ZCCHC24: variants seen among roughly 807,000 people sequenced by gnomAD.
The protein encoded by ZCCHC24 is zinc finger CCHC-type containing 24, also known as zinc finger CCHC domain-containing protein 24.
Under a neutral mutation model 26.2 loss-of-function variants are expected in ZCCHC24, and 10 were observed. The observed-to-expected ratio is 0.38, with a 90% confidence interval of 0.24 to 0.65. The LOEUF (loss-of-function observed/expected upper bound fraction) is 0.65. Ranked by LOEUF, ZCCHC24 falls within the 30% of genes least tolerant of loss-of-function variation. The pLI is 0.54. For synonymous variants in ZCCHC24, 144 were observed against 147.1 expected, an observed-to-expected ratio of 0.98 and a Z score of 0.15; for missense variants, 243 against 329.1, an observed-to-expected ratio of 0.74 and a Z score of 2.03.
At chr10:79,444,816 GAGA>G (rs1857340222) in intron 1 of ZCCHC24, among the ~76,000 whole-genome samples, 1 of 152,220 alleles carries the variant, frequency 6.6e-6, no homozygotes, top group African/African-American at 2.4e-5. Flanking sequence ...GGTTGGGCGT[GAGA>G]AGGACACTTC....
intron 2 of ZCCHC24, among the ~76,000 whole-genome samples, chr10:79,421,458 C>T (rs1194656768): frequency 1.4e-5 from 2 of 147,984 alleles, no homozygotes; most frequent in African/African-American, 4.9e-5. Context: ...CTTCCTCCCT[C>T]CCTCCCTTCT....
chr10:79,404,045 G>A (rs997365188), intron 2 of ZCCHC24, among the ~76,000 whole-genome samples: 1 of 152,056 alleles, frequency 6.6e-6, no homozygotes. Flanking sequence ...AGAGGAGAAG[G>A]GGGGACAGGG....
At chr10:79,441,986 C>A (rs1857296397) in intron 1 of ZCCHC24, among the ~76,000 whole-genome samples, 1 of 152,196 alleles carries the variant, frequency 6.6e-6, no homozygotes. Flanking sequence ...ACTCCCATAG[C>A]CCCTTTACGG....
Position 79,406,856 on chromosome 10 carries a change from A to G in ZCCHC24, c.448-12416T>C, listed in dbSNP as rs940485703. 5.9e-5 allele frequency among the ~76,000 whole-genome samples: 9 copies of G among 152,246 alleles called. No individual in the cohort carries two copies. In the East Asian group the frequency reaches 7.7e-4, roughly 13 times the overall value. The stretch of plus-strand genomic sequence containing the variant: ...TGCCCTTGTCTGTGGACAGCCCCAC[A>G]GGACAATAATCCCGCTGGTGCCCTG... On this transcript the variant is annotated intron_variant, in intron 2 of 3. Transcript: ENST00000372336.
chr10:79,420,919 T>C (rs769345393), intron 2 of ZCCHC24, among the ~76,000 whole-genome samples: 1 of 152,132 alleles, frequency 6.6e-6, no homozygotes, highest in Non-Finnish European at 1.5e-5. Flanking sequence ...AAGTAGGATG[T>C]TTTAATATCT....
intron 2 of ZCCHC24, among the ~76,000 whole-genome samples, chr10:79,418,952 G>C (rs1381674649): frequency 6.7e-6 from 1 of 149,298 alleles, no homozygotes; most frequent in Non-Finnish European, 1.5e-5. Context: ...AGAGATTCGG[G>C]AAAGGCATTG....
chr10:79,396,104 C>T (rs1040847168), intron 2 of ZCCHC24, among the ~76,000 whole-genome samples: 1 of 152,186 alleles, frequency 6.6e-6, no homozygotes, highest in African/African-American at 2.4e-5. Flanking sequence ...TAGAAACATA[C>T]AACATTTGTC....
chr10:79,445,275 CG>C lies in ZCCHC24; in HGVS notation c.165del (p.Phe55LeufsTer30). On this transcript the variant is annotated frameshift_variant, in exon 1 of 4. Coordinates refer to ENST00000372336, the MANE Select transcript of ZCCHC24 (RefSeq NM_153367.4). LOFTEE classifies it high-confidence loss of function. ...CCCAGCTGCTCGGGGCGGCCCTTGC[CG>C]AAGGCCAGCTCCGGGGGTGCGGCGC... is the stretch of plus-strand genomic sequence containing the variant. ...TAGAAPPELA[F>X]GKGRPEQLGS... 6.8e-7 allele frequency: 1 copy of C among 1,462,678 alleles called. No individual in the cohort carries two copies. The highest frequency in any genetic ancestry group is 9.1e-7 in the Non-Finnish European group (1 of 1,103,936). 90.6% of individuals were successfully genotyped at this position (1,462,678 alleles called of 1,614,324 possible).
chr10:79,424,455 C>T (rs886663113), intron 2 of ZCCHC24, among the ~76,000 whole-genome samples: 2 of 152,266 alleles, frequency 1.3e-5, no homozygotes, highest in African/African-American at 4.8e-5. Context: ...TCCCTCTTCC[C>T]TCTCACTGGG....
intron 1 of ZCCHC24, among the ~76,000 whole-genome samples, chr10:79,442,573 G>T (rs1188802698): frequency 6.6e-6 from 1 of 152,180 alleles, no homozygotes; most frequent in African/African-American, 2.4e-5. Context: ...CAGACAGGCC[G>T]TGGTCAGTGG....
At position 79,386,102 on chromosome 10, in the gene ZCCHC24, C is replaced by G; in HGVS notation, c.*243G>C. ...TTGCCTTTGTCCCCTCCACTGAGAC[C>G]CCAGGCCCGCCTGCAAAAAGCCCCA... On this transcript the variant is annotated 3_prime_UTR_variant, in exon 4 of 4. Transcript: ENST00000372336. 4 of 592,588 alleles carry G rather than the reference C, an allele frequency of 6.8e-6. No individual in the cohort carries two copies. Among genetic ancestry groups the G allele is most frequent in the Admixed American group, 3.0e-5 (1 of 33,896 alleles). The allele number at this position is 592,588 out of a possible 1,614,324, so 36.7% of individuals were successfully genotyped here.
At chr10:79,392,937 T>C (rs1856498986) in intron 3 of ZCCHC24, among the ~76,000 whole-genome samples, 1 of 152,116 alleles carries the variant, frequency 6.6e-6, no homozygotes, top group Non-Finnish European at 1.5e-5. Flanking sequence ...TCCTCTGTGG[T>C]CTCTATACCT....
At chr10:79,428,402 T>TGCAAGATAAATTTCAGTTTC (rs1857065556) in intron 2 of ZCCHC24, among the ~76,000 whole-genome samples, 2 of 76,516 alleles carry the variant, frequency 2.6e-5, no homozygotes, top group African/African-American at 1.2e-4. Context: ...ATTTCAGTTT[T>TGCAAGATAAATTTCAGTTTC]GCAAGATAAA....
intron 1 of ZCCHC24, among the ~76,000 whole-genome samples, chr10:79,444,557 C>G (rs1857335005): frequency 6.6e-6 from 1 of 151,968 alleles, no homozygotes; most frequent in African/African-American, 2.4e-5. Context: ...GGGGACAGCG[C>G]AGTCTGTGGG....
intron 3 of ZCCHC24, 39 bp downstream of exon 3, chr10:79,394,237 C>G (rs11002956): frequency 0.064 from 102,996 of 1,597,134 alleles, 3,862 homozygotes; most frequent in Non-Finnish European, 0.074. Flanking sequence ...GTTGCCCTCC[C>G]GCGGTCCTTC....
intron 2 of ZCCHC24, among the ~76,000 whole-genome samples, chr10:79,418,583 G>A (rs886630787): frequency 2.6e-5 from 4 of 152,226 alleles, no homozygotes; most frequent in African/African-American, 9.6e-5. Context: ...GCTGAACCTG[G>A]GGGAGATGAG....
intron 1 of ZCCHC24, among the ~76,000 whole-genome samples, chr10:79,443,159 C>CTATATACAGTATATACAGTATA (rs547815086): frequency 2.8e-4 from 43 of 152,330 alleles, no homozygotes; most frequent in African/African-American, 1.0e-3. Context: ...CACCACTGCA[C>CTATATACAGTATATACAGTATA]TATACAGTAT....
chr10:79,441,950 G>A (rs1480046236), intron 1 of ZCCHC24, among the ~76,000 whole-genome samples: 2 of 152,218 alleles, frequency 1.3e-5, no homozygotes, highest in African/African-American at 2.4e-5. Flanking sequence ...TCTTCACAAG[G>A]AGGTAACTCA....
At chr10:79,423,375 ACT>A (rs1410943182) in intron 2 of ZCCHC24, among the ~76,000 whole-genome samples, 1 of 151,054 alleles carries the variant, frequency 6.6e-6, no homozygotes, top group Non-Finnish European at 1.5e-5. Context: ...ACATGGTGAA[ACT>A]CTGTCTCTAC....
Sources: allele counts gnomAD v4.1 joint callset (sites outside exome capture counted in the v4.1 genomes callset), GRCh38; gene constraint gnomAD v4.1.1; transcripts MANE v1.5; gene names NCBI Gene and HGNC (gene_info 2026-07-23, HGNC 2026-07-21).